Variants in GALNTL6 observed in about 807,000 individuals in gnomAD.
GALNTL6 encodes polypeptide N-acetylgalactosaminyltransferase like 6.
Under a neutral mutation model 73.7 loss-of-function variants are expected in GALNTL6, and 46 were observed. That is an observed-to-expected ratio of 0.62 (90% CI 0.49 to 0.80). The LOEUF (loss-of-function observed/expected upper bound fraction) is 0.80, where lower values mean the gene tolerates loss of function less well. Ranked by LOEUF, GALNTL6 falls within the 30% of genes least tolerant of loss-of-function variation. GALNTL6 has a pLI of 0.00. For synonymous variants in GALNTL6, 259 were observed against 263.7 expected, an observed-to-expected ratio of 0.98 and a Z score of 0.17; for missense variants, 604 against 755.0, an observed-to-expected ratio of 0.80 and a Z score of 2.34.
intron 4 of GALNTL6, among the ~76,000 whole-genome samples, chr4:172,347,674 T>G (rs538478616): frequency 4.0e-4 from 61 of 152,310 alleles, no homozygotes; most frequent in African/African-American, 1.4e-3. Context: ...TTTTTGACAT[T>G]TATCCTAAAA....
chr4:171,947,654 T>C (rs1049527216), intron 2 of GALNTL6, among the ~76,000 whole-genome samples: 4 of 152,228 alleles, frequency 2.6e-5, no homozygotes, highest in Admixed American at 6.5e-5. Flanking sequence ...AAAGCTGGCA[T>C]GACAAAGACT....
At chr4:171,833,393 T>C (rs1045604113) in intron 2 of GALNTL6, among the ~76,000 whole-genome samples, 3 of 151,760 alleles carry the variant, frequency 2.0e-5, no homozygotes, top group African/African-American at 7.2e-5. Flanking sequence ...CCAGAAGTTT[T>C]TGAAGATGCT....
intron 3 of GALNTL6, among the ~76,000 whole-genome samples, chr4:172,282,382 C>T (rs1739091637): frequency 6.6e-6 from 1 of 152,068 alleles, no homozygotes; most frequent in Admixed American, 6.6e-5. Flanking sequence ...TACATGCTAC[C>T]CAGATTATCA....
At chr4:172,327,671 TG>T (rs780244553) in intron 4 of GALNTL6, among the ~76,000 whole-genome samples, 17 of 152,300 alleles carry the variant, frequency 1.1e-4, no homozygotes, top group South Asian at 2.1e-4. Context: ...TTTTGATATT[TG>T]TTGGTTTAAA....
intron 5 of GALNTL6, among the ~76,000 whole-genome samples, chr4:172,516,444 G>T (rs1428874047): frequency 6.6e-6 from 1 of 151,938 alleles, no homozygotes; most frequent in East Asian, 1.9e-4. Flanking sequence ...TCAAATAAAG[G>T]AACCAAAGTT....
rs1425710835 is a variant in GALNTL6 at position 172,405,082 on chromosome 4, A to C, written c.553+56393A>C. Among the ~76,000 whole-genome samples the C allele has an allele frequency of 2.0e-5, 3 of 152,038 alleles. No individual in the cohort carries two copies. In the East Asian group the frequency reaches 5.8e-4, roughly 29 times the overall value. On this transcript the variant is annotated intron_variant, in intron 5 of 12. Transcript: ENST00000506823. ...TGATTTAGGTTTTGGCAAATTTTTA[A>C]AAAGAACTAAAAGACATTTTTAGAG... is the stretch of plus-strand genomic sequence containing the variant.
intron 5 of GALNTL6, among the ~76,000 whole-genome samples, chr4:172,740,572 C>A (rs1461265760): frequency 1.3e-5 from 2 of 152,178 alleles, no homozygotes; most frequent in Non-Finnish European, 2.9e-5. Flanking sequence ...CGCATGCTTT[C>A]CTAGCTGTGG....
intron 2 of GALNTL6, among the ~76,000 whole-genome samples, chr4:172,020,835 C>T (rs1741374727): frequency 6.6e-6 from 1 of 151,744 alleles, no homozygotes; most frequent in Admixed American, 6.6e-5. Flanking sequence ...GATACTTACA[C>T]CAAAGACACA....
intron 5 of GALNTL6, among the ~76,000 whole-genome samples, chr4:172,746,573 G>A (rs1737119457): frequency 6.6e-6 from 1 of 151,560 alleles, no homozygotes. Context: ...TTAATATTTT[G>A]CAGTTCTTAG....
intron 4 of GALNTL6, among the ~76,000 whole-genome samples, chr4:172,326,864 G>A (rs764281235): frequency 2.2e-4 from 34 of 151,418 alleles, no homozygotes; most frequent in Admixed American, 3.9e-4. Context: ...GTTGCTTTAG[G>A]GTAGATAAAA....
chr4:172,917,880 C>G (rs1172910442), intron 8 of GALNTL6, among the ~76,000 whole-genome samples: 1 of 152,128 alleles, frequency 6.6e-6, no homozygotes, highest in Non-Finnish European at 1.5e-5. Flanking sequence ...ACCATTTGAC[C>G]CAGTGATCCC....
intron 2 of GALNTL6, among the ~76,000 whole-genome samples, chr4:171,857,555 G>T (rs1175774097): frequency 2.6e-5 from 4 of 152,062 alleles, no homozygotes; most frequent in Admixed American, 6.6e-5. Flanking sequence ...GCTAGTGTTG[G>T]GCATGGTTAA....
chr4:171,992,746 G>T (rs1304193157), intron 2 of GALNTL6, among the ~76,000 whole-genome samples: 7 of 151,984 alleles, frequency 4.6e-5, no homozygotes, highest in Admixed American at 4.6e-4. Context: ...AAACTAGAAA[G>T]CCTAAGTAGC....
intron 2 of GALNTL6, among the ~76,000 whole-genome samples, chr4:172,120,736 A>G (rs950302693): frequency 6.6e-6 from 1 of 152,126 alleles, no homozygotes; most frequent in Non-Finnish European, 1.5e-5. Flanking sequence ...AGAATTCTGA[A>G]ACTTTCCTGT....
chr4:172,568,044 T>G (rs1736623258), intron 5 of GALNTL6, among the ~76,000 whole-genome samples: 1 of 152,188 alleles, frequency 6.6e-6, no homozygotes, highest in African/African-American at 2.4e-5. Flanking sequence ...AGAAGACTCA[T>G]ATTCAAGTCC....
intron 10 of GALNTL6, among the ~76,000 whole-genome samples, chr4:172,974,136 A>G (rs1750705304): frequency 6.6e-6 from 1 of 152,236 alleles, no homozygotes; most frequent in South Asian, 2.1e-4. Context: ...TAAAATAATT[A>G]TATTGAAATA....
At chr4:171,833,979 G>A (rs1018831778) in intron 2 of GALNTL6, among the ~76,000 whole-genome samples, 2 of 151,454 alleles carry the variant, frequency 1.3e-5, no homozygotes, top group Non-Finnish European at 1.5e-5. Context: ...TTGCATAGAT[G>A]TTTTCATGTT....
chr4:172,324,268 G>A (rs556648938), intron 4 of GALNTL6, among the ~76,000 whole-genome samples: 24 of 151,962 alleles, frequency 1.6e-4, no homozygotes, highest in African/African-American at 5.5e-4. Flanking sequence ...TAATATGATA[G>A]AGTCAGACGC....
intron 7 of GALNTL6, among the ~76,000 whole-genome samples, chr4:172,823,893 T>A (rs966315621): frequency 1.6e-4 from 24 of 152,222 alleles, no homozygotes; most frequent in African/African-American, 5.8e-4. Flanking sequence ...TCTTCAGTTC[T>A]GTCCTTTTCT....
Sources: allele counts gnomAD v4.1 joint callset (sites outside exome capture counted in the v4.1 genomes callset), GRCh38; gene constraint gnomAD v4.1.1; transcripts MANE v1.5; gene names NCBI Gene and HGNC (gene_info 2026-07-23, HGNC 2026-07-21).